OPCML: variants seen among roughly 807,000 people sequenced by gnomAD.
The protein encoded by OPCML is opioid binding protein/cell adhesion molecule like, also known as opioid-binding protein/cell adhesion molecule.
In OPCML, 13 loss-of-function variants were observed where a neutral mutation model predicts 37.8. The ratio of observed to expected loss-of-function variants is 0.34; its 90% CI spans 0.22 to 0.55. OPCML has a LOEUF of 0.55. OPCML is among the 20% of genes least tolerant of loss of function. The probability of loss-of-function intolerance (pLI) is 0.91; values close to 1 mark genes in which losing one functional copy is unlikely to be tolerated. For synonymous variants in OPCML, 176 were observed against 168.8 expected (o/e 1.04, Z -0.33); for missense variants, 341 against 435.6 (o/e 0.78, Z 1.93).
chr11:133,152,682 TTCTC>T (rs1168103786), intron 1 of OPCML, among the ~76,000 whole-genome samples: 2 of 152,094 alleles, frequency 1.3e-5, no homozygotes, highest in African/African-American at 4.8e-5. Context: ...TGTAATTAAT[TTCTC>T]TCTAATTGAT....
At chr11:132,427,364 G>T (rs1477955998) in intron 7 of OPCML, among the ~76,000 whole-genome samples, 1 of 152,198 alleles carries the variant, frequency 6.6e-6, no homozygotes, top group Non-Finnish European at 1.5e-5. Context: ...CTAATTAGAT[G>T]ATGTATGTGT....
intron 2 of OPCML, among the ~76,000 whole-genome samples, chr11:132,842,690 C>T (rs1166295896): frequency 6.6e-6 from 1 of 152,140 alleles, no homozygotes; most frequent in Non-Finnish European, 1.5e-5. Flanking sequence ...CTCACCATAC[C>T]CATTCAAGGA....
intron 1 of OPCML, among the ~76,000 whole-genome samples, chr11:132,951,701 A>G (rs752516095): frequency 1.3e-5 from 2 of 152,226 alleles, no homozygotes; most frequent in African/African-American, 4.8e-5. Context: ...TCTCTGAAGT[A>G]TCTCTGTGGG....
At chr11:133,421,237 G>T (rs1186197136) in intron 1 of OPCML, 4 of 985,292 alleles carry the variant, frequency 4.1e-6, no homozygotes, top group Non-Finnish European at 4.8e-6. Flanking sequence ...TCAAAGCCCA[G>T]CTGCACAAAG....
chr11:132,526,730 T>C (rs760043100), intron 4 of OPCML, among the ~76,000 whole-genome samples: 1 of 152,226 alleles, frequency 6.6e-6, no homozygotes, highest in Non-Finnish European at 1.5e-5. Context: ...GGTATATTTA[T>C]ACTTCAAATT....
intron 1 of OPCML, among the ~76,000 whole-genome samples, chr11:133,043,799 A>G (rs2136951585): frequency 6.6e-6 from 1 of 152,380 alleles, no homozygotes; most frequent in East Asian, 1.9e-4. Flanking sequence ...TTCATAGCAG[A>G]TAGATCTCAA....
Position 132,535,173 on chromosome 11 carries a change from CA to C in OPCML, c.380-5988del, listed in dbSNP as rs375636356. Reference sequence around the variant, plus strand: ...GTATGTGCATAAACACTCTAGCTACCAGAGTAAAAAGTGCATAAACTCTCTA... The same window carrying C: ...GTATGTGCATAAACACTCTAGCTACCGAGTAAAAAGTGCATAAACTCTCTA... On this transcript the variant is annotated intron_variant, in intron 3 of 7. Transcript: ENST00000524381. Among the ~76,000 whole-genome samples, 589 of 151,624 alleles carry C rather than the reference CA, an allele frequency of 3.9e-3. 4 individuals are homozygous for C. Among genetic ancestry groups the C allele is most frequent in the African/African-American group, 0.01 (430 of 41,356 alleles).
chr11:133,140,525 TAATAATAAGAAGAAGAAGAAG>T (rs1414978769), intron 1 of OPCML, among the ~76,000 whole-genome samples: 18 of 57,062 alleles, frequency 3.2e-4, no homozygotes, highest in African/African-American at 9.5e-4. Context: ...ATAATAATAA[TAATAATAAGAAGAAGAAGAAG>T]AAGAAGAAGA....
At chr11:133,261,655 G>C (rs1030988549) in intron 1 of OPCML, among the ~76,000 whole-genome samples, 3 of 152,196 alleles carry the variant, frequency 2.0e-5, no homozygotes, top group South Asian at 2.1e-4. Context: ...TCATATCCTC[G>C]GTGTATAAAG....
chr11:133,125,782 AG>A (rs1949498929), intron 1 of OPCML, among the ~76,000 whole-genome samples: 1 of 110,798 alleles, frequency 9.0e-6, no homozygotes, highest in African/African-American at 3.3e-5. Context: ...ACATGTATAT[AG>A]TATATATACA....
Position 133,071,584 on chromosome 11 carries a change from G to A in OPCML, c.62-128574C>T, listed in dbSNP as rs57194254. Among the ~76,000 whole-genome samples, 148 of 152,272 alleles carry A rather than the reference G, an allele frequency of 9.7e-4. 2 individuals carry two copies. The highest frequency in any genetic ancestry group is 9.8e-4 in the Non-Finnish European group (67 of 68,030). On this transcript the variant is annotated intron_variant, in intron 1 of 7. Coordinates refer to ENST00000524381, the MANE Select transcript of OPCML (RefSeq NM_001012393.5). ...TGGCTCTGTGCTAGCACTGCCTGTC[G>A]AATGATGTGGGCAAGTCACTCCCAG...
At chr11:133,003,409 C>G (rs1259430531) in intron 1 of OPCML, among the ~76,000 whole-genome samples, 1 of 152,162 alleles carries the variant, frequency 6.6e-6, no homozygotes, top group Non-Finnish European at 1.5e-5. Flanking sequence ...CTTCAAATCT[C>G]TCTCTGCTGT....
At chr11:132,769,695 T>C (rs1404941327) in intron 2 of OPCML, among the ~76,000 whole-genome samples, 1 of 152,156 alleles carries the variant, frequency 6.6e-6, no homozygotes, top group East Asian at 1.9e-4. Context: ...CAGACACGCA[T>C]GTGGGAGACT....
intron 1 of OPCML, among the ~76,000 whole-genome samples, chr11:133,432,659 CAT>C (rs1461019547): frequency 5.9e-5 from 9 of 152,178 alleles, no homozygotes; most frequent in African/African-American, 2.2e-4. Context: ...TTCAATTAGG[CAT>C]ATGTTAGACC....
At chr11:132,702,365 C>T (rs1050615281) in intron 2 of OPCML, among the ~76,000 whole-genome samples, 7 of 152,184 alleles carry the variant, frequency 4.6e-5, no homozygotes, top group African/African-American at 1.7e-4. Flanking sequence ...AGCACTTTGA[C>T]TATATCACCC....
At chr11:133,253,797 T>G in intron 1 of OPCML, among the ~76,000 whole-genome samples, 1 of 143,572 alleles carries the variant, frequency 7.0e-6, no homozygotes, top group East Asian at 2.4e-4. Context: ...ATAAAGTTTC[T>G]TTTTTCCTTT....
chr11:133,126,822 G>A (rs1014438772), intron 1 of OPCML, among the ~76,000 whole-genome samples: 3 of 152,134 alleles, frequency 2.0e-5, no homozygotes, highest in Admixed American at 6.5e-5. Flanking sequence ...AAGCCATAGG[G>A]ACCCACGGGC....
intron 1 of OPCML, among the ~76,000 whole-genome samples, chr11:133,527,253 C>T (rs1365488880): frequency 2.0e-5 from 3 of 152,202 alleles, no homozygotes; most frequent in East Asian, 1.9e-4. Flanking sequence ...CACAAAGCAA[C>T]GTTTTGAGAG....
intron 1 of OPCML, among the ~76,000 whole-genome samples, chr11:133,355,167 G>A (rs1227456401): frequency 1.3e-5 from 2 of 152,286 alleles, no homozygotes; most frequent in South Asian, 2.1e-4. Flanking sequence ...ATTTGAAGTC[G>A]ATGCCAATGA....
Sources: allele counts gnomAD v4.1 joint callset (sites outside exome capture counted in the v4.1 genomes callset), GRCh38; gene constraint gnomAD v4.1.1; transcripts MANE v1.5; gene names NCBI Gene and HGNC (gene_info 2026-07-23, HGNC 2026-07-21).